The following PACRG variants were observed in gnomAD, a reference collection of about 807,000 sequenced individuals.
The protein encoded by PACRG is parkin coregulated gene protein.
A neutral mutation model predicts 29.7 loss-of-function variants in PACRG; 29 were observed. The ratio of observed to expected loss-of-function variants is 0.98; its 90% CI spans 0.73 to 1.33. PACRG has a LOEUF of 1.33. Among genes scored for constraint, PACRG ranks in the 40% most tolerant of loss-of-function variants. The pLI is 0.00. For synonymous variants in PACRG, 116 were observed against 118.7 expected (o/e 0.98, Z 0.15); for missense variants, 279 against 316.2 (o/e 0.88, Z 0.89).
intron 4 of PACRG, among the ~76,000 whole-genome samples, chr6:163,295,974 A>G (rs914417152): frequency 2.0e-5 from 3 of 152,156 alleles, no homozygotes; most frequent in African/African-American, 7.2e-5. Flanking sequence ...GCCTTCTGCT[A>G]TCAGAAGGGC....
chr6:162,745,400 G>A (rs1358895328), intron 1 of PACRG, among the ~76,000 whole-genome samples: 1 of 152,066 alleles, frequency 6.6e-6, no homozygotes, highest in African/African-American at 2.4e-5. Flanking sequence ...GTGGGGTGAG[G>A]GGAGGGAGAG....
chr6:163,290,898 G>T (rs1208836068), intron 4 of PACRG, among the ~76,000 whole-genome samples: 1 of 152,120 alleles, frequency 6.6e-6, no homozygotes, highest in African/African-American at 2.4e-5. Context: ...GGGTTGCGTC[G>T]GTGGGGCCTC....
chr6:162,906,059 G>A (rs1795913292), intron 2 of PACRG, among the ~76,000 whole-genome samples: 1 of 152,086 alleles, frequency 6.6e-6, no homozygotes, highest in South Asian at 2.1e-4. Context: ...GGAAAGCTGA[G>A]GAAAAATTGA....
At chr6:162,764,041 C>T (rs549543438) in intron 1 of PACRG, among the ~76,000 whole-genome samples, 49 of 152,130 alleles carry the variant, frequency 3.2e-4, no homozygotes, top group Non-Finnish European at 6.5e-4. Flanking sequence ...TTTGGGAGGG[C>T]GATGTGGGCA....
chr6:162,918,296 G>A (rs147865787), intron 2 of PACRG, among the ~76,000 whole-genome samples: 19 of 152,176 alleles, frequency 1.2e-4, no homozygotes, highest in Non-Finnish European at 1.9e-4. Flanking sequence ...TGCATGTGAC[G>A]TCCATATGAA....
chr6:163,077,251 A>T (rs1042895118), intron 3 of PACRG, among the ~76,000 whole-genome samples: 1 of 152,224 alleles, frequency 6.6e-6, no homozygotes, highest in Admixed American at 6.5e-5. Context: ...TATCATAAGC[A>T]GCAACATACT....
chr6:163,224,612 T>C (rs774927565), intron 4 of PACRG, among the ~76,000 whole-genome samples: 12 of 152,114 alleles, frequency 7.9e-5, no homozygotes, highest in South Asian at 2.1e-4. Context: ...ATAAATGGTA[T>C]TGAGAAAACT....
intron 1 of PACRG, among the ~76,000 whole-genome samples, chr6:162,749,306 T>C (rs1005008092): frequency 5.3e-5 from 8 of 152,178 alleles, no homozygotes; most frequent in Non-Finnish European, 7.4e-5. Flanking sequence ...CTGCACCGAC[T>C]GTCAAGAAGG....
At chr6:162,764,804 C>T (rs1348056208) in intron 1 of PACRG, among the ~76,000 whole-genome samples, 3 of 151,424 alleles carry the variant, frequency 2.0e-5, no homozygotes, top group Admixed American at 2.0e-4. Context: ...AGTGCAGTGG[C>T]ATGATCTCGG....
chr6:162,799,055 T>G (rs1041634), intron 1 of PACRG, among the ~76,000 whole-genome samples: 81,653 of 151,968 alleles, frequency 0.54, 23,139 homozygotes, highest in African/African-American at 0.73. Context: ...TGTCTGGCTG[T>G]TACTGGGTAG....
intron 1 of PACRG, among the ~76,000 whole-genome samples, chr6:162,754,911 G>A (rs1781785382): frequency 1.3e-5 from 2 of 152,076 alleles, no homozygotes; most frequent in Non-Finnish European, 2.9e-5. Flanking sequence ...ATCCAGTGCT[G>A]GGCTTTCCTT....
chr6:163,130,768 T>C (rs1380307557), intron 4 of PACRG, among the ~76,000 whole-genome samples: 1 of 152,182 alleles, frequency 6.6e-6, no homozygotes, highest in Non-Finnish European at 1.5e-5. Context: ...ACCTTTGCAC[T>C]TAGCGGGTCC....
intron 4 of PACRG, among the ~76,000 whole-genome samples, chr6:163,219,995 A>G (rs1481313380): frequency 6.6e-6 from 1 of 152,160 alleles, no homozygotes; most frequent in Non-Finnish European, 1.5e-5. Context: ...TTCACAAAAC[A>G]CACTGCTATT....
At chr6:163,279,048 G>A (rs769310539) in intron 4 of PACRG, among the ~76,000 whole-genome samples, 3 of 152,114 alleles carry the variant, frequency 2.0e-5, no homozygotes, top group Non-Finnish European at 2.9e-5. Context: ...GGTCTTTCAT[G>A]TCCTTGGTTA....
chr6:162,754,913 G>C (rs546696944), intron 1 of PACRG, among the ~76,000 whole-genome samples: 1 of 152,166 alleles, frequency 6.6e-6, no homozygotes, highest in Non-Finnish European at 1.5e-5. Context: ...CCAGTGCTGG[G>C]CTTTCCTTTG....
At chr6:163,040,775 C>T (rs1429171266) in intron 2 of PACRG, among the ~76,000 whole-genome samples, 1 of 152,212 alleles carries the variant, frequency 6.6e-6, no homozygotes, top group African/African-American at 2.4e-5. Flanking sequence ...AACATTTACC[C>T]AATGCCTGTA....
chr6:163,097,989 A>G (rs1814755412), intron 4 of PACRG, among the ~76,000 whole-genome samples: 1 of 150,712 alleles, frequency 6.6e-6, no homozygotes, highest in African/African-American at 2.5e-5. Context: ...ATTTCAAAAT[A>G]TGGCAAAGAA....
At chr6:163,024,889 G>A (rs929437585) in intron 2 of PACRG, among the ~76,000 whole-genome samples, 4 of 152,112 alleles carry the variant, frequency 2.6e-5, no homozygotes, top group African/African-American at 9.7e-5. Context: ...GATCAAGTAG[G>A]CTTTATTTCT....
intron 4 of PACRG, chr6:163,101,358 G>A (rs947325214): frequency 6.1e-6 from 6 of 981,222 alleles, no homozygotes; most frequent in Non-Finnish European, 2.4e-6. Context: ...ATTTATTTGT[G>A]TACATCGGGT....
Sources: allele counts gnomAD v4.1 joint callset (sites outside exome capture counted in the v4.1 genomes callset), GRCh38; gene constraint gnomAD v4.1.1; transcripts MANE v1.5; gene names NCBI Gene and HGNC (gene_info 2026-07-23, HGNC 2026-07-21).